The following KCNQ1 variants were observed in gnomAD, a reference collection of about 807,000 sequenced individuals.
KCNQ1 encodes potassium voltage-gated channel subfamily KQT member 1.
KCNQ1 carries 49 observed loss-of-function variants against 72.4 expected under a neutral mutation model. That is an observed-to-expected ratio of 0.68 (90% CI 0.54 to 0.86). KCNQ1 has a LOEUF of 0.86. KCNQ1 is among the 40% of genes least tolerant of loss of function. The pLI is 0.00. For synonymous variants in KCNQ1, 450 were observed against 412.6 expected (o/e 1.09, Z -1.10); for missense variants, 790 against 945.1 (o/e 0.84, Z 2.15).
chr11:2,502,510 A>T (rs1231144249), intron 1 of KCNQ1, among the ~76,000 whole-genome samples: 24 of 152,366 alleles, frequency 1.6e-4, no homozygotes, highest in African/African-American at 5.8e-4. Flanking sequence ...AATGAAAATT[A>T]TAATACACTG....
At chr11:2,631,267 G>C (rs1589992372) in intron 10 of KCNQ1, 2 of 398,404 alleles carry the variant, frequency 5.0e-6, no homozygotes, top group East Asian at 7.1e-5. Flanking sequence ...AACTTCCCTT[G>C]TTACCTTTTC....
intron 1 of KCNQ1, among the ~76,000 whole-genome samples, chr11:2,470,421 A>G (rs972430325): frequency 1.3e-5 from 2 of 152,178 alleles, no homozygotes; most frequent in African/African-American, 4.8e-5. Context: ...CAGAAGACGT[A>G]TATTGGAGGA....
chr11:2,763,967 G>A (rs1190497590), intron 11 of KCNQ1, among the ~76,000 whole-genome samples: 1 of 152,070 alleles, frequency 6.6e-6, no homozygotes, highest in Non-Finnish European at 1.5e-5. Flanking sequence ...TTACATGTAT[G>A]GTTATGTCAT....
At chr11:2,834,507 A>G (rs562272650) in intron 15 of KCNQ1, among the ~76,000 whole-genome samples, 1 of 152,284 alleles carries the variant, frequency 6.6e-6, no homozygotes, top group Admixed American at 6.5e-5. Context: ...TCTGTCTCCA[A>G]GGTCTTTTGG....
intron 11 of KCNQ1, among the ~76,000 whole-genome samples, chr11:2,728,777 G>A (rs1045002205): frequency 7.9e-5 from 12 of 152,180 alleles, no homozygotes; most frequent in African/African-American, 2.9e-4. Flanking sequence ...GGAGCAGAGC[G>A]TCCTCCTGGT....
In KCNQ1 at chr11:2,572,962, C is replaced by T. The variant is rs373183513; in HGVS notation, c.897C>T (p.Tyr299=). 60 of 1,613,586 alleles carry T rather than the reference C, an allele frequency of 3.7e-5. 1 individual carries two copies. The highest frequency in any genetic ancestry group is 1.4e-4 in the South Asian group (13 of 91,074). ...CAGGCCGCGTGGAGTTCGGCAGCTA[C>T]GCAGATGCGCTGTGGTGGGGGGTGG... ...NESGRVEFGS[Y]ADALWWGVVT... is the part of the protein sequence containing the mutation. Residue 299 remains tyrosine (Y), a synonymous_variant, in exon 6 of 16, where the codon TAC becomes TAT. Transcript: ENST00000155840.
In KCNQ1 at chr11:2,533,716, G is replaced by A. The variant is rs537246921; in HGVS notation, c.477+5698G>A. 1.1e-3 allele frequency among the ~76,000 whole-genome samples: 172 copies of A among 152,350 alleles called. No homozygotes were observed. In the Middle Eastern group the frequency reaches 0.017, roughly 15 times the overall value. ...GGTGGCTCTCCTGTTTCTTGCCGAAGCCAGCTGCTGCTAGAAACTGGCCCC... is the reference window on the plus strand; with the variant it reads ...GGTGGCTCTCCTGTTTCTTGCCGAAACCAGCTGCTGCTAGAAACTGGCCCC... On this transcript the variant is annotated intron_variant, in intron 2 of 15. Coordinates refer to ENST00000155840, the MANE Select transcript of KCNQ1 (RefSeq NM_000218.3).
At position 2,589,115 on chromosome 11, in the gene KCNQ1, G is replaced by A. The variant is rs527817366; in HGVS notation, c.1393+261G>A. Among the ~76,000 whole-genome samples the A allele has an allele frequency of 2.2e-4, 34 of 152,314 alleles. No individual in the cohort carries two copies. In the South Asian group the frequency reaches 5.8e-3, roughly 26 times the overall value. On this transcript the variant is annotated intron_variant, in intron 10 of 15. Transcript: ENST00000155840. ...GTGATGGGGTGGGTCGGCTCCATCC[G>A]GCTGTACTGAGGGAAGGGTGTGTTC...
At chr11:2,523,580 C>T (rs1233963522) in intron 1 of KCNQ1, among the ~76,000 whole-genome samples, 1 of 152,124 alleles carries the variant, frequency 6.6e-6, no homozygotes, top group Non-Finnish European at 1.5e-5. Context: ...GCACGAGAAT[C>T]GAAAAGCCGT....
intron 10 of KCNQ1, chr11:2,648,262 C>T (rs926979539): frequency 2.5e-6 from 1 of 398,442 alleles, no homozygotes; most frequent in African/African-American, 2.1e-5. Context: ...CCTTTTATCT[C>T]TATTTCATTT....
chr11:2,561,906 A>T (rs1370390206), intron 2 of KCNQ1, among the ~76,000 whole-genome samples: 1 of 151,396 alleles, frequency 6.6e-6, no homozygotes. Context: ...GCCCCACTCA[A>T]GGTCACGGGC....
intron 11 of KCNQ1, chr11:2,692,401 A>T: frequency 2.5e-6 from 1 of 398,728 alleles, no homozygotes; most frequent in Non-Finnish European, 4.4e-6. Context: ...CCAATCAATT[A>T]TCTACTCAGT....
chr11:2,597,663 A>G (rs1484300472), intron 10 of KCNQ1, among the ~76,000 whole-genome samples: 2 of 152,218 alleles, frequency 1.3e-5, no homozygotes, highest in South Asian at 2.1e-4. Context: ...TTTGAAGAAC[A>G]TTGGGATTAT....
rs58007669 is a variant in KCNQ1 at position 2,628,077 on chromosome 11, A to G, written c.1394-33884A>G. ...ATACTATGTTGCTCATTTCTTGACT[A>G]CTGTAACACTACAATGAACATGGGA... is the stretch of plus-strand genomic sequence containing the variant. On this transcript the variant is annotated intron_variant, in intron 10 of 15. Transcript: ENST00000155840. The G allele has an allele frequency of 5.8e-3, 2,320 of 398,594 alleles. 54 individuals are homozygous for G. Among genetic ancestry groups the G allele is most frequent in the African/African-American group, 0.043 (2,119 of 48,736 alleles). 24.7% of individuals were successfully genotyped at this position (398,594 alleles called of 1,614,324 possible).
At chr11:2,533,343 G>A (rs1331047210) in intron 2 of KCNQ1, among the ~76,000 whole-genome samples, 2 of 152,102 alleles carry the variant, frequency 1.3e-5, no homozygotes, top group African/African-American at 2.4e-5. Flanking sequence ...GGCCGGCACC[G>A]TGAACACCAC....
chr11:2,584,523 TAGTGTG>T (rs1564824912), intron 7 of KCNQ1, among the ~76,000 whole-genome samples: 5 of 142,586 alleles, frequency 3.5e-5, no homozygotes, highest in African/African-American at 1.3e-4. Flanking sequence ...GTTTGTGTGT[TAGTGTG>T]TGTGTTAGTA....
At chr11:2,686,203 G>C in intron 11 of KCNQ1, 1 of 398,790 alleles carries the variant, frequency 2.5e-6, no homozygotes. Context: ...CCAAAACCCT[G>C]CTCCAACCTA....
chr11:2,504,924 A>G (rs2157761), intron 1 of KCNQ1, among the ~76,000 whole-genome samples: 17,225 of 152,176 alleles, frequency 0.11, 1,272 homozygotes, highest in East Asian at 0.23. Context: ...GTACCCACAA[A>G]AAGCAAAAAG....
At position 2,458,504 on chromosome 11, in the gene KCNQ1, C is replaced by T. The variant is rs1382497075; in HGVS notation, c.386+13020C>T. On this transcript the variant is annotated intron_variant, in intron 1 of 15. Transcript: ENST00000155840. This position sits in a 1 kb window ranked among gnomAD's most constrained non-coding sequence, Gnocchi z 4.6. ...CCTGAGGCGGCAGTGCTGCTGAAGTCCTGCCAGGCTCCAGCTCCTGGTGAG... is the reference window on the plus strand; with the variant it reads ...CCTGAGGCGGCAGTGCTGCTGAAGTTCTGCCAGGCTCCAGCTCCTGGTGAG... 6.6e-6 allele frequency among the ~76,000 whole-genome samples: 1 copy of T among 152,250 alleles called. No homozygotes were observed. The highest frequency in any genetic ancestry group is 1.5e-5 in the Non-Finnish European group (1 of 68,050).
Sources: gnomAD v4.1 joint callset for allele counts (sites outside exome capture counted in the v4.1 genomes callset) on GRCh38, gnomAD v4.1.1 for gene constraint, Gnocchi (gnomAD v3.1) non-coding constraint, MANE v1.5 for transcripts, NCBI Gene and HGNC (gene_info 2026-07-23, HGNC 2026-07-21) for gene names.